Variants in LRRC7 observed in about 807,000 individuals in gnomAD.
LRRC7 encodes leucine-rich repeat-containing protein 7.
A neutral mutation model predicts 175.7 loss-of-function variants in LRRC7; 23 were observed. The ratio of observed to expected loss-of-function variants is 0.13; its 90% CI spans 0.09 to 0.19. The LOEUF (loss-of-function observed/expected upper bound fraction) is 0.19. Ranked by LOEUF, LRRC7 falls within the 10% of genes least tolerant of loss-of-function variation. The pLI, the probability that LRRC7 is intolerant of heterozygous loss-of-function variation, is 1.00. For synonymous variants in LRRC7, 685 were observed against 680.9 expected (o/e 1.01, Z -0.09); for missense variants, 1,354 against 1,904.7 (o/e 0.71, Z 5.38).
intron 1 of LRRC7, chr1:69,606,935 G>A (rs561113671): frequency 6.6e-6 from 1 of 152,202 alleles, no homozygotes; most frequent in East Asian, 1.9e-4. Context: ...GTTCCTTATA[G>A]TTCATGCTGG....
rs540873235 is a variant in LRRC7 at position 69,628,142 on chromosome 1, A to G, written c.3-50239A>G. On this transcript the variant is annotated intron_variant, in intron 1 of 26. Coordinates refer to ENST00000651989, the MANE Select transcript of LRRC7 (RefSeq NM_001370785.2). ...TACTGCAAGTCCTAGCTAATGCTATAAGAGAAAAGAAGGAAATAAAAGGTA... is the reference window on the plus strand; with the variant it reads ...TACTGCAAGTCCTAGCTAATGCTATGAGAGAAAAGAAGGAAATAAAAGGTA... Among the ~76,000 whole-genome samples, 14 of 152,260 alleles carry G rather than the reference A, an allele frequency of 9.2e-5. 1 individual carries two copies. In the South Asian group the frequency reaches 1.0e-3, roughly 11 times the overall value.
At chr1:69,756,088 CA>C (rs1483438238) in intron 2 of LRRC7, among the ~76,000 whole-genome samples, 1 of 151,632 alleles carries the variant, frequency 6.6e-6, no homozygotes. Flanking sequence ...CCTTGAGACA[CA>C]AATAGGATAC....
rs756045617 is a variant in LRRC7, at chr1:70,038,532, C to G, written c.2708C>G (p.Thr903Ser). Residue 903 changes from threonine (T) to serine (S), a missense_variant, in exon 21 of 27, where the codon ACC (threonine) becomes AGC (serine). Physicochemically the swap from Thr to Ser is moderately conservative, Grantham distance 58 (BLOSUM62 1). This residue lies in a region of LRRC7 where 1,032 missense variants were observed against 1,227.2 expected (regional missense o/e 0.84). Transcript: ENST00000651989. ...RTAFPSKLET[T>S]PTTSPLPERK... Reference sequence around the variant, plus strand: ...GCTTTTCCTTCCAAATTAGAGACAACCCCCACTACCAGCCCATTGCCTGAA... The same window carrying G: ...GCTTTTCCTTCCAAATTAGAGACAAGCCCCACTACCAGCCCATTGCCTGAA... 1 of 1,614,040 alleles carries G rather than the reference C, an allele frequency of 6.2e-7. No individual in the cohort carries two copies. The highest frequency in any genetic ancestry group is 8.5e-7 in the Non-Finnish European group (1 of 1,179,990).
At chr1:70,086,822 T>C (rs1160564948) in intron 24 of LRRC7, among the ~76,000 whole-genome samples, 1 of 152,208 alleles carries the variant, frequency 6.6e-6, no homozygotes, top group African/African-American at 2.4e-5. Flanking sequence ...ACCTAATCTT[T>C]TACTAGAACA....
At chr1:69,587,154 TA>T (rs1290341032) in intron 1 of LRRC7, among the ~76,000 whole-genome samples, 4 of 152,194 alleles carry the variant, frequency 2.6e-5, no homozygotes, top group Admixed American at 1.3e-4. Context: ...GCTTCCTTCT[TA>T]AATCCCTTCT....
At chr1:70,018,967 C>T (rs1657200917) in intron 15 of LRRC7, 149 bp downstream of exon 15, 1 of 561,656 alleles carries the variant, frequency 1.8e-6, no homozygotes, top group Non-Finnish European at 3.1e-6. Flanking sequence ...TGGGGATGTA[C>T]TTTAAGCATA....
intron 1 of LRRC7, among the ~76,000 whole-genome samples, chr1:69,649,516 A>G (rs1295951124): frequency 1.3e-5 from 2 of 152,198 alleles, no homozygotes; most frequent in African/African-American, 4.8e-5. Context: ...AAATATCTAG[A>G]GCATTCAAAA....
rs867321405 is a variant in LRRC7, at chr1:69,684,931, G to A, written c.100+6453G>A. Among the ~76,000 whole-genome samples the A allele has an allele frequency of 7.2e-5, 11 of 152,300 alleles. 1 individual carries two copies. The South Asian group carries it at 2.3e-3, about 32-fold the overall frequency. ...CCTGCTCTGCTCTCCCTGGTGGGCAGACCTATCTGGTGGTAATGGTGGCAG... is the reference window on the plus strand; with the variant it reads ...CCTGCTCTGCTCTCCCTGGTGGGCAAACCTATCTGGTGGTAATGGTGGCAG... On this transcript the variant is annotated intron_variant, in intron 2 of 26. Coordinates refer to ENST00000651989, the MANE Select transcript of LRRC7 (RefSeq NM_001370785.2).
chr1:69,784,583 A>G (rs1223043503), intron 3 of LRRC7, among the ~76,000 whole-genome samples: 2 of 151,952 alleles, frequency 1.3e-5, no homozygotes, highest in Admixed American at 6.6e-5. Flanking sequence ...TCCTTTCTTA[A>G]CTGTTGTCTC....
chr1:69,716,138 A>T, intron 2 of LRRC7: 5 of 417,012 alleles, frequency 1.2e-5, no homozygotes, highest in Admixed American at 4.4e-5. Context: ...CTTTTTTTTT[A>T]AAGGAGCCCG....
At position 69,652,241 on chromosome 1, in the gene LRRC7, G is replaced by A. The variant is rs557805144; in HGVS notation, c.3-26140G>A. Among the ~76,000 whole-genome samples the A allele has an allele frequency of 8.5e-4, 58 of 68,360 alleles. 1 individual carries two copies. The highest frequency in any genetic ancestry group is 3.6e-3 in the African/African-American group (50 of 13,948). 44.8% of individuals were successfully genotyped at this position (68,360 alleles called of 152,430 possible). A position where few individuals can be genotyped will look rare whatever the true frequency, so the allele number is the denominator to read the frequency against. ...GTTCACAGATGACATGATGTTATAC[G>A]TAGAAAACCCTATTCACAAACTGTT... is the stretch of plus-strand genomic sequence containing the variant. On this transcript the variant is annotated intron_variant, in intron 1 of 26. Coordinates refer to ENST00000651989, the MANE Select transcript of LRRC7 (RefSeq NM_001370785.2).
intron 8 of LRRC7, among the ~76,000 whole-genome samples, chr1:69,971,492 A>T (rs1557943747): frequency 6.6e-6 from 1 of 152,196 alleles, no homozygotes; most frequent in Admixed American, 6.5e-5. Flanking sequence ...CCAAGCGGAG[A>T]ATCAGATCAA....
At chr1:69,892,526 C>G (rs1412574973) in intron 7 of LRRC7, among the ~76,000 whole-genome samples, 1 of 152,170 alleles carries the variant, frequency 6.6e-6, no homozygotes, top group Non-Finnish European at 1.5e-5. Context: ...TGTAATTGAC[C>G]TGAAGATACA....
chr1:69,615,972 A>G (rs1291751251), intron 1 of LRRC7, among the ~76,000 whole-genome samples: 2 of 151,958 alleles, frequency 1.3e-5, no homozygotes, highest in Non-Finnish European at 2.9e-5. Flanking sequence ...CTTAATCACG[A>G]ATTATGTATT....
At chr1:70,078,978 A>G (rs1663016898) in intron 24 of LRRC7, among the ~76,000 whole-genome samples, 3 of 152,178 alleles carry the variant, frequency 2.0e-5, no homozygotes, top group African/African-American at 7.2e-5. Context: ...TACAAATAGA[A>G]AAACAAACCA....
At chr1:69,715,518 T>A (rs1283249760) in intron 2 of LRRC7, among the ~76,000 whole-genome samples, 1 of 152,066 alleles carries the variant, frequency 6.6e-6, no homozygotes, top group Non-Finnish European at 1.5e-5. Flanking sequence ...TACACTTAAT[T>A]ACAAATGCAT....
In LRRC7 at chr1:69,778,668, T is replaced by C. The variant is rs144248066; in HGVS notation, c.304-13375T>C. ...GAACTAGCTCAATAATGTGGCTAAG[T>C]ATGAATGGAGTCAGAATTCAAATCC... On this transcript the variant is annotated intron_variant, in intron 3 of 26. Coordinates refer to ENST00000651989, the MANE Select transcript of LRRC7 (RefSeq NM_001370785.2). Among the ~76,000 whole-genome samples, 101 of 152,194 alleles carry C rather than the reference T, an allele frequency of 6.6e-4. 1 individual carries two copies. Among genetic ancestry groups the C allele is most frequent in the Middle Eastern group, 6.8e-3 (2 of 294 alleles).
chr1:69,897,352 T>C (rs1272066064), intron 7 of LRRC7, among the ~76,000 whole-genome samples: 2 of 152,222 alleles, frequency 1.3e-5, no homozygotes, highest in African/African-American at 2.4e-5. Context: ...GTGGCTTTCT[T>C]TGGGCACTTT....
At chr1:69,731,170 C>T (rs149490724) in intron 2 of LRRC7, among the ~76,000 whole-genome samples, 2,840 of 152,010 alleles carry the variant, frequency 0.019, 97 homozygotes, top group African/African-American at 0.064. Context: ...GATGTGGTGG[C>T]GGGCGTCTGT....
Sources: allele counts gnomAD v4.1 joint callset (sites outside exome capture counted in the v4.1 genomes callset), GRCh38; gene constraint gnomAD v4.1.1; regional missense constraint gnomAD v4.1.1; transcripts MANE v1.5; gene names NCBI Gene and HGNC (gene_info 2026-07-23, HGNC 2026-07-21).